Variants in DOCK10 observed in about 807,000 individuals in gnomAD.
The protein encoded by DOCK10 is dedicator of cytokinesis protein 10.
DOCK10 carries 145 observed loss-of-function variants against 280.1 expected under a neutral mutation model. The observed-to-expected ratio is 0.52, with a 90% CI of 0.45 to 0.59. The LOEUF is 0.59. Among genes scored for constraint, DOCK10 ranks in the 20% least tolerant of loss-of-function variants. The pLI is 0.00. For synonymous variants in DOCK10, 915 were observed against 942.2 expected (o/e 0.97, Z 0.53); for missense variants, 2,368 against 2,651.7 (o/e 0.89, Z 2.35).
At chr2:224,873,970 T>C (rs987405838) in intron 11 of DOCK10, 26 bp downstream of exon 11, 8 of 1,597,228 alleles carry the variant, frequency 5.0e-6, no homozygotes, top group South Asian at 1.2e-5. Context: ...CTTAATGGTA[T>C]AGGATGTAAC....
intron 7 of DOCK10, among the ~76,000 whole-genome samples, chr2:224,876,617 A>G (rs1698647623): frequency 6.6e-6 from 1 of 152,120 alleles, no homozygotes; most frequent in South Asian, 2.1e-4. Context: ...GCTCTTACCA[A>G]GGTCACTAAC....
At chr2:224,844,231 A>G (rs1170776758) in intron 22 of DOCK10, among the ~76,000 whole-genome samples, 1 of 152,152 alleles carries the variant, frequency 6.6e-6, no homozygotes, top group Non-Finnish European at 1.5e-5. Context: ...CCCGAGTTCA[A>G]GAGATTCTCC....
chr2:224,879,070 T>C (rs975075950), intron 7 of DOCK10, among the ~76,000 whole-genome samples: 2 of 152,266 alleles, frequency 1.3e-5, no homozygotes, highest in Non-Finnish European at 2.9e-5. Flanking sequence ...TACTGGGTTC[T>C]ATGAGAACAT....
chr2:224,943,767 T>C (rs1009608387), intron 1 of DOCK10, among the ~76,000 whole-genome samples: 25 of 147,510 alleles, frequency 1.7e-4, no homozygotes, highest in African/African-American at 3.7e-4. Flanking sequence ...TTTTCTTTTT[T>C]TTTTTTTTTT....
chr2:224,884,470 A>C (rs1699161037), intron 7 of DOCK10, among the ~76,000 whole-genome samples: 1 of 152,166 alleles, frequency 6.6e-6, no homozygotes, highest in Non-Finnish European at 1.5e-5. Context: ...AGGTTGCTAA[A>C]ACACTTTTGA....
chr2:224,924,249 A>G (rs914905639), intron 2 of DOCK10, among the ~76,000 whole-genome samples: 3 of 152,208 alleles, frequency 2.0e-5, no homozygotes, highest in African/African-American at 4.8e-5. Flanking sequence ...TATAGAATTG[A>G]GTGGTTTTTG....
chr2:224,830,501 T>C (rs1412728308), intron 27 of DOCK10, 40 bp downstream of exon 27: 1 of 1,100,406 alleles, frequency 9.1e-7, no homozygotes, highest in Admixed American at 3.1e-5. Context: ...TTGGATAATA[T>C]TGTAAAAATA....
At chr2:224,854,218 A>C (rs996082544) in intron 16 of DOCK10, among the ~76,000 whole-genome samples, 3 of 151,732 alleles carry the variant, frequency 2.0e-5, no homozygotes, top group African/African-American at 7.3e-5. Flanking sequence ...GGAGGCCTTT[A>C]TTCTTTTTTT....
rs539886556 is a variant in DOCK10 at position 224,794,392 on chromosome 2, G to A, written c.5154+487C>T. Among the ~76,000 whole-genome samples the A allele has an allele frequency of 5.9e-5, 9 of 152,252 alleles. No homozygotes were observed. In the East Asian group the frequency reaches 1.4e-3, roughly 23 times the overall value. ...AGTTAAGTGTTGACTTATAATCCTC[G>A]TGCAGTGGACTCTCCTCACATGGTG... On this transcript the variant is annotated intron_variant, in intron 45 of 55. Coordinates refer to ENST00000258390, the MANE Select transcript of DOCK10 (RefSeq NM_014689.3).
At chr2:224,883,222 C>T (rs374767979) in intron 7 of DOCK10, among the ~76,000 whole-genome samples, 4 of 152,192 alleles carry the variant, frequency 2.6e-5, no homozygotes, top group East Asian at 1.9e-4. Context: ...CCTCCATCAT[C>T]GCTCTCGAGA....
intron 53 of DOCK10, among the ~76,000 whole-genome samples, chr2:224,772,148 T>C (rs1282386768): frequency 6.6e-6 from 1 of 152,058 alleles, no homozygotes; most frequent in African/African-American, 2.4e-5. Flanking sequence ...CTCGAACTCT[T>C]GACTTCAAGT....
At chr2:225,019,725 T>C (rs2106097048) in intron 1 of DOCK10, among the ~76,000 whole-genome samples, 1 of 152,346 alleles carries the variant, frequency 6.6e-6, no homozygotes, top group South Asian at 2.1e-4. Context: ...CCCTTCACTC[T>C]GGCTTTGGTA....
chr2:224,805,355 A>T lies in DOCK10; in HGVS notation c.3937-35T>A. Reference sequence around the variant, plus strand: ...CAAGAACCAATCAGGATTGAGTGAGAGTGAGTGACCTCTGCCTTGTAATGA... The same window carrying T: ...CAAGAACCAATCAGGATTGAGTGAGTGTGAGTGACCTCTGCCTTGTAATGA... On this transcript the variant is annotated intron_variant, in intron 35 of 55. Coordinates refer to ENST00000258390, the MANE Select transcript of DOCK10 (RefSeq NM_014689.3). This position sits in a 1 kb window ranked among gnomAD's most constrained non-coding sequence, Gnocchi z 4.3. The T allele has an allele frequency of 6.2e-7, 1 of 1,612,770 alleles. No homozygotes were observed. Among genetic ancestry groups the T allele is most frequent in the South Asian group, 1.1e-5 (1 of 91,052 alleles).
chr2:224,862,786 C>T, intron 13 of DOCK10, 40 bp from the exon 14 acceptor site: 1 of 1,195,056 alleles, frequency 8.4e-7, no homozygotes, highest in Non-Finnish European at 1.2e-6. Context: ...TAGAATAGCA[C>T]TTTATAAACT....
chr2:225,017,519 C>A (rs1157056281), intron 1 of DOCK10, among the ~76,000 whole-genome samples: 2 of 151,868 alleles, frequency 1.3e-5, no homozygotes, highest in East Asian at 3.9e-4. Flanking sequence ...AGCAGTTTGA[C>A]CTGGTATGCC....
At chr2:224,957,735 C>T (rs1007797147) in intron 1 of DOCK10, among the ~76,000 whole-genome samples, 2 of 152,186 alleles carry the variant, frequency 1.3e-5, no homozygotes, top group African/African-American at 2.4e-5. Context: ...TGCCCTCTTT[C>T]ACTTCTCTAC....
chr2:224,800,089 C>CAAAA, intron 41 of DOCK10, 62 bp downstream of exon 41: 2 of 975,370 alleles, frequency 2.1e-6, no homozygotes, highest in Non-Finnish European at 3.1e-6. Context: ...TTTTTGACTT[C>CAAAA]ACATGGTTTT....
chr2:224,887,476 T>G (rs75206881), intron 4 of DOCK10, among the ~76,000 whole-genome samples: 875 of 8,458 alleles, frequency 0.1, 9 homozygotes, highest in Admixed American at 0.16. Flanking sequence ...TGCATCTGGT[T>G]TTATAAATGG....
intron 19 of DOCK10, 82 bp from the exon 20 acceptor site, chr2:224,845,724 A>G: frequency 7.2e-7 from 1 of 1,385,418 alleles, no homozygotes; most frequent in Non-Finnish European, 9.9e-7. Context: ...AGCTTTTTAA[A>G]CAATCTTTTT....
Sources: allele counts gnomAD v4.1 joint callset (sites outside exome capture counted in the v4.1 genomes callset), GRCh38; gene constraint gnomAD v4.1.1; non-coding constraint Gnocchi (gnomAD v3.1); transcripts MANE v1.5; gene names NCBI Gene and HGNC (gene_info 2026-07-23, HGNC 2026-07-21).